Variants in PARP1 observed in about 807,000 individuals in gnomAD.
PARP1 encodes poly [ADP-ribose] polymerase 1.
PARP1 carries 44 observed loss-of-function variants against 118.7 expected under a neutral mutation model. The ratio of observed to expected loss-of-function variants is 0.37; its 90% confidence interval spans 0.29 to 0.48. The LOEUF (loss-of-function observed/expected upper bound fraction) is 0.48, where lower values mean the gene tolerates loss of function less well. PARP1 is among the 20% of genes least tolerant of loss of function. The probability of loss-of-function intolerance (pLI) is 0.99; values close to 1 mark genes in which losing one functional copy is unlikely to be tolerated. For missense variants in PARP1, 1,100 were observed against 1,272.4 expected (o/e 0.86, Z 2.06); for synonymous variants, 492 against 483.2 (o/e 1.02, Z -0.24).
chr1:226,388,859 G>A, intron 4 of PARP1, 104 bp from the exon 5 acceptor site: 1 of 884,358 alleles, frequency 1.1e-6, no homozygotes, highest in Non-Finnish European at 1.9e-6. Context: ...TCAACTCCCT[G>A]TAGGGCCTAC....
In PARP1 at chr1:226,408,080, C is replaced by G; in HGVS notation, c.-151G>C. ...CACGCCGCACCGGCCACCGCCGTTC[C>G]CTGATAGATTGCTGATGCCTGGCCG... On this transcript the variant is annotated 5_prime_UTR_variant, in exon 1 of 23. Transcript: ENST00000366794. 2 of 1,150,934 alleles carry G rather than the reference C, an allele frequency of 1.7e-6. No homozygotes were observed. Among genetic ancestry groups the G allele is most frequent in the Admixed American group, 2.1e-5 (1 of 48,098 alleles). The allele number at this position is 1,150,934 out of a possible 1,614,324, so 71.3% of individuals were successfully genotyped here.
rs576721916 is a variant in PARP1, at chr1:226,370,643, G to A, written c.2071-126C>T. 20 of 765,948 alleles carry A rather than the reference G, an allele frequency of 2.6e-5. No homozygotes were observed. The East Asian group carries it at 5.1e-4, about 19-fold the overall frequency. The allele number at this position is 765,948 out of a possible 1,614,324, so 47.4% of individuals were successfully genotyped here. On this transcript the variant is annotated intron_variant, in intron 14 of 22. Transcript: ENST00000366794. ...AGTCAGGAGCCTGCTGGGATTTCCT[G>A]AGGACACCAGTGACCCAAATCCAGA...
chr1:226,390,433 C>T lies in PARP1; in HGVS notation c.594G>A (p.Gln198=), dbSNP rs146652447. The T allele has an allele frequency of 6.2e-7, 1 of 1,613,856 alleles. No individual in the cohort carries two copies. The highest frequency in any genetic ancestry group is 8.5e-7 in the Non-Finnish European group (1 of 1,180,034). Residue 198 remains glutamine, a synonymous_variant, in exon 4 of 23, where the codon CAG becomes CAA. Transcript: ENST00000366794. ...ATEDKEALKK[Q]LPGVKSEGKR... ...ACCCTTCACTCTTGACTCCTGGGAG[C>T]TGCTTCTTCAGGGCTTCTTTATCCT...
At chr1:226,380,349 A>G (rs1664579934) in intron 9 of PARP1, among the ~76,000 whole-genome samples, 185 bp from the exon 10 acceptor site, 6 of 152,182 alleles carry the variant, frequency 3.9e-5, no homozygotes, top group Admixed American at 3.9e-4. Context: ...CTAAGGTATG[A>G]TGAGCCAGGG....
chr1:226,361,186 ATCTC>A lies in PARP1; in HGVS notation c.*270_*273del. 7.5e-6 allele frequency: 4 copies of A among 532,932 alleles called. No individual in the cohort carries two copies. 33.0% of individuals were successfully genotyped at this position (532,932 alleles called of 1,614,324 possible). ...CCATAGGACTAGTCTATGCAACAGA[ATCTC>A]TCTCCAGCCTTTTCTCTATGTCAGT... is the stretch of plus-strand genomic sequence containing the variant. On this transcript the variant is annotated 3_prime_UTR_variant, in exon 23 of 23. Transcript: ENST00000366794.
chr1:226,382,637 C>T lies in PARP1; in HGVS notation c.1159+399G>A, dbSNP rs576668020. ...GACCTCCCAGGCTCAAGGGATCCTC[C>T]GCCTCAGCCTCCTGAGTATCTAGGG... On this transcript the variant is annotated intron_variant, in intron 8 of 22. Coordinates refer to ENST00000366794, the MANE Select transcript of PARP1 (RefSeq NM_001618.4). Among the ~76,000 whole-genome samples, 52 of 152,302 alleles carry T rather than the reference C, an allele frequency of 3.4e-4. 1 individual carries two copies. Among genetic ancestry groups the T allele is most frequent in the South Asian group, 8.3e-4 (4 of 4,828 alleles).
intron 5 of PARP1, among the ~76,000 whole-genome samples, chr1:226,387,586 C>G (rs923335236): frequency 6.6e-6 from 1 of 152,172 alleles, no homozygotes; most frequent in Non-Finnish European, 1.5e-5. Context: ...CCATCACACA[C>G]AGCATACACT....
At chr1:226,379,470 C>T in intron 11 of PARP1, 103 bp downstream of exon 11, 1 of 1,155,636 alleles carries the variant, frequency 8.7e-7, no homozygotes, top group Non-Finnish European at 1.3e-6. Context: ...AAGGCACGAC[C>T]ACACTGCCCC....
intron 2 of PARP1, among the ~76,000 whole-genome samples, chr1:226,395,205 G>A (rs1027375733): frequency 6.6e-6 from 1 of 151,882 alleles, no homozygotes; most frequent in Non-Finnish European, 1.5e-5. Context: ...AGCTGTTATA[G>A]AAAACAGGAT....
rs756570584 is a variant in PARP1 at position 226,379,292 on chromosome 1, C to A, written c.1613-18G>T. 1.2e-5 allele frequency: 20 copies of A among 1,614,206 alleles called. No individual in the cohort carries two copies. Among genetic ancestry groups the A allele is most frequent in the Non-Finnish European group, 1.6e-5 (19 of 1,180,018 alleles). On this transcript the variant is annotated intron_variant, in intron 11 of 22. Coordinates refer to ENST00000366794, the MANE Select transcript of PARP1 (RefSeq NM_001618.4). The stretch of plus-strand genomic sequence containing the variant: ...TTCCAGTCCTGTCCCAGAGGAAAAG[C>A]ACCTACAGTTTTCTCTCCCCTTGAG...
intron 1 of PARP1, among the ~76,000 whole-genome samples, chr1:226,402,870 CA>C (rs1355994452): frequency 6.6e-6 from 1 of 152,230 alleles, no homozygotes; most frequent in Admixed American, 6.5e-5. Context: ...AGTGCCTCTG[CA>C]GTTAAGAATA....
chr1:226,368,431 G>A, intron 15 of PARP1, 110 bp from the exon 16 acceptor site: 4 of 1,393,888 alleles, frequency 2.9e-6, no homozygotes, highest in Non-Finnish European at 4.0e-6. Context: ...GAAGTAGCGT[G>A]GTATGTGCAC....
chr1:226,385,733 G>T, intron 6 of PARP1, 53 bp from the exon 7 acceptor site: 2 of 1,498,342 alleles, frequency 1.3e-6, no homozygotes, highest in African/African-American at 1.4e-5. Flanking sequence ...TACAAAAAAG[G>T]ACACTTACTA....
At chr1:226,387,748 A>G (rs952385775) in intron 5 of PARP1, among the ~76,000 whole-genome samples, 2 of 152,172 alleles carry the variant, frequency 1.3e-5, no homozygotes, top group Non-Finnish European at 2.9e-5. Flanking sequence ...GGGGCATTTT[A>G]ATTTTCTGAC....
chr1:226,395,347 A>G (rs1664894929), intron 2 of PARP1, among the ~76,000 whole-genome samples: 1 of 152,180 alleles, frequency 6.6e-6, no homozygotes, highest in Non-Finnish European at 1.5e-5. Flanking sequence ...TAGCATTATT[A>G]ATAATATTCA....
intron 4 of PARP1, 82 bp from the exon 5 acceptor site, chr1:226,388,837 A>C (rs993452180): frequency 1.8e-5 from 19 of 1,039,024 alleles, no homozygotes; most frequent in Non-Finnish European, 2.9e-5. Flanking sequence ...GCAGTATCTT[A>C]ATGTCATTCT....
In PARP1 at chr1:226,360,714, A is replaced by G. The variant is rs1664117277; in HGVS notation, c.*746T>C. 8.9e-6 allele frequency: 2 copies of G among 223,824 alleles called. No homozygotes were observed. The highest frequency in any genetic ancestry group is 1.8e-5 in the Non-Finnish European group (2 of 112,206). The allele number at this position is 223,824 out of a possible 1,614,324, so 13.9% of individuals were successfully genotyped here. ...AATAGAGAAGGCATCTGCATTTTTAATCGAGTATTACTATTAGCCCTTGGG... is the reference window on the plus strand; with the variant it reads ...AATAGAGAAGGCATCTGCATTTTTAGTCGAGTATTACTATTAGCCCTTGGG... On this transcript the variant is annotated 3_prime_UTR_variant, in exon 23 of 23. Transcript: ENST00000366794.
chr1:226,361,932 C>T, intron 22 of PARP1, 37 bp downstream of exon 22: 1 of 1,235,262 alleles, frequency 8.1e-7, no homozygotes, highest in Non-Finnish European at 1.2e-6. Context: ...TCGAGAACAT[C>T]CCTTTGTGCT....
chr1:226,370,437 C>G lies in PARP1; in HGVS notation c.2151G>C (p.Gln717His), dbSNP rs1243950647. The change falls in exon 15 of 23, where the codon CAG becomes CAC. Residue 717 changes from glutamine (Q) to histidine (H), a missense_variant. Around this residue, in one of 2 missense-constraint regions of PARP1, gnomAD observed 948 missense variants for 1,031.8 expected, o/e 0.92. Transcript: ENST00000366794. ...QAAYSILSEV[Q>H]QAVSQGSSDS... The stretch of plus-strand genomic sequence containing the variant: ...CCCCTGGTAGCCCTGTGCTTACCTG[C>G]TGGACCTCACTGAGGATGGAGTATG... The G allele has an allele frequency of 1.9e-6, 3 of 1,613,194 alleles. No homozygotes were observed. The African/African-American group carries it at 4.0e-5, about 22-fold the overall frequency.
Sources: gnomAD v4.1 joint callset for allele counts (sites outside exome capture counted in the v4.1 genomes callset) on GRCh38, gnomAD v4.1.1 for gene constraint, gnomAD v4.1.1 regional missense constraint, MANE v1.5 for transcripts, NCBI Gene and HGNC (gene_info 2026-07-23, HGNC 2026-07-21) for gene names.